Variants in CKM observed in about 807,000 individuals in gnomAD.
The protein encoded by CKM is creatine kinase, M-type, also known as creatine kinase M-type.
In CKM, 28 loss-of-function variants were observed where a neutral mutation model predicts 35.4. That is an observed-to-expected ratio of 0.79 (90% CI 0.59 to 1.08). The LOEUF is 1.08. Ranked by LOEUF, CKM falls within the 50% of genes least tolerant of loss-of-function variation. The probability of loss-of-function intolerance (pLI) is 0.00; values close to 1 mark genes in which losing one functional copy is unlikely to be tolerated. For synonymous variants in CKM, 215 were observed against 204.4 expected (o/e 1.05, Z -0.44); for missense variants, 484 against 509.8 (o/e 0.95, Z 0.49).
In CKM at chr19:45,315,594, C is replaced by G; in HGVS notation, c.352G>C (p.Gly118Arg). Reference sequence around the variant, plus strand: ...ACGTAGTTAGGGTCCAGGTCGTCTCCACCCTGGAGAGCGGGTGGGAGATCA... The same window carrying G: ...ACGTAGTTAGGGTCCAGGTCGTCTCGACCCTGGAGAGCGGGTGGGAGATCA... Reference protein sequence around the residue: ...TDLNHENLKGGDDLDPNYVLS... With the variant: ...TDLNHENLKGRDDLDPNYVLS... The change falls in exon 4 of 8, where the codon GGA (glycine) becomes CGA (arginine). Residue 118 changes from glycine (G) to arginine (R), a missense_variant. Coordinates refer to ENST00000221476, the MANE Select transcript of CKM (RefSeq NM_001824.5). 6.2e-7 allele frequency: 1 copy of G among 1,603,572 alleles called. No individual in the cohort carries two copies. The highest frequency in any genetic ancestry group is 8.5e-7 in the Non-Finnish European group (1 of 1,179,900).
chr19:45,308,527 T>A lies in CKM; in HGVS notation c.659A>T (p.Asn220Ile), dbSNP rs775825369. The change falls in exon 6 of 8, where the codon AAT (asparagine) becomes ATT (isoleucine). Residue 220 changes from asparagine to isoleucine, a missense_variant. Coordinates refer to ENST00000221476, the MANE Select transcript of CKM (RefSeq NM_001824.5). ...CCACACCAGGAAGCTCTTGTTGTCA[T>A]TGTGCCTAGAGTAAGGTGCCGCAGC... Reference protein sequence around the residue: ...DWPDARGIWHNDNKSFLVWVN... With the variant: ...DWPDARGIWHIDNKSFLVWVN... 1 of 1,614,050 alleles carries A rather than the reference T, an allele frequency of 6.2e-7. No homozygotes were observed. The highest frequency in any genetic ancestry group is 8.5e-7 in the Non-Finnish European group (1 of 1,179,978).
chr19:45,315,735 C>G (rs1971151576), intron 3 of CKM, 138 bp from the exon 4 acceptor site: 1 of 1,094,602 alleles, frequency 9.1e-7, no homozygotes, highest in African/African-American at 1.5e-5. Context: ...GTGTGTGGAG[C>G]CTCTCCCCGC....
chr19:45,314,896 G>A (rs1415855121), intron 4 of CKM, among the ~76,000 whole-genome samples: 1 of 151,816 alleles, frequency 6.6e-6, no homozygotes, highest in Non-Finnish European at 1.5e-5. Context: ...CTTTTTTGTA[G>A]AGACAGGGTC....
intron 3 of CKM, 133 bp from the exon 4 acceptor site, chr19:45,315,730 T>G: frequency 8.3e-7 from 1 of 1,206,626 alleles, no homozygotes; most frequent in Non-Finnish European, 1.2e-6. Context: ...ATTGGGTGTG[T>G]GGAGCCTCTC....
chr19:45,312,572 G>A (rs998992496), intron 4 of CKM, among the ~76,000 whole-genome samples: 3 of 151,838 alleles, frequency 2.0e-5, no homozygotes, highest in African/African-American at 7.3e-5. Context: ...ACAGGCATGC[G>A]CCACCATGCC....
rs1248133901 is a variant in CKM, at chr19:45,306,417, G to A, written c.*333C>T. ...TCAATAACTATCGCACAAAGCTAAG[G>A]CCACCAATGCTTTTATTTATCGCTT... is the stretch of plus-strand genomic sequence containing the variant. On this transcript the variant is annotated 3_prime_UTR_variant, in exon 8 of 8. Transcript: ENST00000221476. This position sits in a 1 kb window ranked among gnomAD's most constrained non-coding sequence, Gnocchi z 4.5. The A allele has an allele frequency of 2.5e-6, 1 of 393,478 alleles. No individual in the cohort carries two copies. Among genetic ancestry groups the A allele is most frequent in the Non-Finnish European group, 4.8e-6 (1 of 208,988 alleles). The allele number at this position is 393,478 out of a possible 1,614,324, so 24.4% of individuals were successfully genotyped here. A position where few individuals can be genotyped will look rare whatever the true frequency, so the allele number is the denominator to read the frequency against.
chr19:45,316,593 C>T (rs1191828232), intron 3 of CKM, among the ~76,000 whole-genome samples: 1 of 151,772 alleles, frequency 6.6e-6, no homozygotes. Flanking sequence ...GCTGGGATTA[C>T]AGGTATAGCC....
intron 6 of CKM, 89 bp downstream of exon 6, chr19:45,308,320 C>G: frequency 6.6e-7 from 1 of 1,514,134 alleles, no homozygotes. Context: ...TGGGGCAGGG[C>G]TTAGTATAGG....
At chr19:45,308,763 T>C (rs935551394) in intron 5 of CKM, among the ~76,000 whole-genome samples, 9 of 152,156 alleles carry the variant, frequency 5.9e-5, no homozygotes. Context: ...CTTAAGTCTT[T>C]GAACAGTATT....
At chr19:45,320,403 G>A (rs955812527) in intron 1 of CKM, among the ~76,000 whole-genome samples, 15 of 152,152 alleles carry the variant, frequency 9.9e-5, no homozygotes, top group South Asian at 2.1e-4. Context: ...CGCCTAGCTC[G>A]CATCTTGCAG....
At chr19:45,310,378 C>G (rs1413722842) in intron 5 of CKM, among the ~76,000 whole-genome samples, 1 of 151,392 alleles carries the variant, frequency 6.6e-6, no homozygotes, top group Admixed American at 6.6e-5. Flanking sequence ...CCTTGGCCTC[C>G]CAAAGTGCTG....
At chr19:45,310,092 A>G (rs968211441) in intron 5 of CKM, among the ~76,000 whole-genome samples, 2 of 150,766 alleles carry the variant, frequency 1.3e-5, no homozygotes, top group African/African-American at 4.9e-5. Context: ...GATGTACTGA[A>G]CACTTAGTGT....
intron 4 of CKM, among the ~76,000 whole-genome samples, chr19:45,313,352 T>C (rs1288969442): frequency 6.6e-6 from 1 of 152,144 alleles, no homozygotes; most frequent in Non-Finnish European, 1.5e-5. Flanking sequence ...CTTGCCCATA[T>C]AAAAGGGTGA....
In CKM at chr19:45,319,558, A is replaced by G; in HGVS notation, c.156T>C (p.Thr52=). The G allele has an allele frequency of 4.3e-6, 7 of 1,614,082 alleles. No individual in the cohort carries two copies. Among genetic ancestry groups the G allele is most frequent in the Non-Finnish European group, 4.2e-6 (5 of 1,180,022 alleles). The change falls in exon 2 of 8, where the codon ACT becomes ACC. Residue 52 remains threonine, a synonymous_variant. Coordinates refer to ENST00000221476, the MANE Select transcript of CKM (RefSeq NM_001824.5). ...LRDKETPSGF[T]VDDVIQTGVD... ...CTCCTGTCTGGATGACATCGTCTAC[A>G]GTGAAGCCAGATGGAGTCTCCTTGT...
At chr19:45,311,264 G>C (rs1971106901) in intron 5 of CKM, among the ~76,000 whole-genome samples, 1 of 143,894 alleles carries the variant, frequency 6.9e-6, no homozygotes, top group Admixed American at 6.9e-5. Context: ...GAGACAGTCT[G>C]GCTCTGTCGC....
chr19:45,313,290 G>A lies in CKM; in HGVS notation c.482-1370C>T, dbSNP rs543041445. ...ATTACTATATCTGTCATGGCGATCC[G>A]TGATCAGTGATCTCTGATGTTACTG... On this transcript the variant is annotated intron_variant, in intron 4 of 7. Transcript: ENST00000221476. Among the ~76,000 whole-genome samples the A allele has an allele frequency of 1.2e-4, 18 of 152,158 alleles. No individual in the cohort carries two copies. The South Asian group carries it at 2.3e-3, about 19-fold the overall frequency.
chr19:45,322,094 G>A (rs1370869412), intron 1 of CKM, among the ~76,000 whole-genome samples: 1 of 152,082 alleles, frequency 6.6e-6, no homozygotes, highest in Non-Finnish European at 1.5e-5. Context: ...GAGGACACGG[G>A]TCCAGGCCTC....
At chr19:45,319,836 G>C (rs1369289857) in intron 1 of CKM, 105 bp from the exon 2 acceptor site, 2 of 937,436 alleles carry the variant, frequency 2.1e-6, no homozygotes, top group Non-Finnish European at 3.3e-6. Flanking sequence ...TGTCACCCAG[G>C]CTGGAGTGCA....
At chr19:45,307,414 GCCCTCGCTCC>G (rs1971063158) in intron 7 of CKM, 37 bp downstream of exon 7, 1 of 1,577,310 alleles carries the variant, frequency 6.3e-7, no homozygotes, top group South Asian at 1.1e-5. Context: ...CCTGCAAAGG[GCCCTCGCTCC>G]CCCTCCGTCG....
Sources: allele counts gnomAD v4.1 joint callset (sites outside exome capture counted in the v4.1 genomes callset), GRCh38; gene constraint gnomAD v4.1.1; non-coding constraint Gnocchi (gnomAD v3.1); transcripts MANE v1.5; gene names NCBI Gene and HGNC (gene_info 2026-07-23, HGNC 2026-07-21).